SLC9C1: variants seen among roughly 807,000 people sequenced by gnomAD.
SLC9C1 encodes solute carrier family 9 member C1.
A neutral mutation model predicts 140.9 loss-of-function variants in SLC9C1; 97 were observed. That is an observed-to-expected ratio of 0.69 (90% confidence interval 0.58 to 0.82). The LOEUF is 0.82. Among genes scored for constraint, SLC9C1 ranks in the 40% least tolerant of loss-of-function variants. SLC9C1 has a pLI of 0.00. For synonymous variants in SLC9C1, 440 were observed against 442.6 expected (o/e 0.99, Z 0.07); for missense variants, 1,340 against 1,389.3 (o/e 0.96, Z 0.56).
chr3:112,166,169 AC>A (rs755819885), intron 26 of SLC9C1, among the ~76,000 whole-genome samples: 44 of 152,058 alleles, frequency 2.9e-4, no homozygotes, highest in Non-Finnish European at 6.0e-4. Flanking sequence ...GCCGTCTGTC[AC>A]CCCTTTCTTT....
rs543755939 is a variant in SLC9C1 at position 112,219,608 on chromosome 3, T to G, written c.1670+1520A>C. 1.1e-4 allele frequency among the ~76,000 whole-genome samples: 17 copies of G among 152,320 alleles called. No individual in the cohort carries two copies. In the South Asian group the frequency reaches 3.5e-3, roughly 32 times the overall value. On this transcript the variant is annotated intron_variant, in intron 14 of 28. Transcript: ENST00000305815. ...TTATTTTTATTTTTGAGACAGAGCC[T>G]TGCTCTGTCCCCCAGGCTGGAGTGC...
chr3:112,233,310 A>G (rs1576405126), intron 12 of SLC9C1, among the ~76,000 whole-genome samples: 1 of 151,908 alleles, frequency 6.6e-6, no homozygotes, highest in African/African-American at 2.4e-5. Context: ...CAAGCAATTC[A>G]CCTGCCTTGG....
intron 16 of SLC9C1, among the ~76,000 whole-genome samples, chr3:112,207,310 T>C (rs2078081444): frequency 6.6e-6 from 1 of 152,200 alleles, no homozygotes; most frequent in African/African-American, 2.4e-5. Context: ...CTTTTCAATA[T>C]GCTGCTTGTA....
At chr3:112,225,889 C>T (rs1350535839) in intron 13 of SLC9C1, among the ~76,000 whole-genome samples, 1 of 151,864 alleles carries the variant, frequency 6.6e-6, no homozygotes, top group African/African-American at 2.4e-5. Context: ...ATATAAATAC[C>T]AAAAACCAGA....
chr3:112,209,961 A>G (rs938502790), intron 15 of SLC9C1, among the ~76,000 whole-genome samples: 4 of 152,162 alleles, frequency 2.6e-5, no homozygotes, highest in Admixed American at 1.3e-4. Context: ...CTTTTTCTCT[A>G]TTTTGCAGAA....
At chr3:112,190,675 T>C (rs996810933) in intron 20 of SLC9C1, among the ~76,000 whole-genome samples, 1 of 152,136 alleles carries the variant, frequency 6.6e-6, no homozygotes, top group Admixed American at 6.5e-5. Context: ...ATGTCAAATA[T>C]CTTTTCAAAC....
At chr3:112,148,488 T>TC (rs1011265832) in intron 28 of SLC9C1, among the ~76,000 whole-genome samples, 7 of 152,152 alleles carry the variant, frequency 4.6e-5, no homozygotes, top group African/African-American at 1.7e-4. Flanking sequence ...CCTTCCCTTT[T>TC]CCCCCACTCC....
rs1197097742 is a variant in SLC9C1 at position 112,182,199 on chromosome 3, A to T, written c.2583T>A (p.Thr861=). ...GAATATGATATAGAACTTCTTCAAC[A>T]GTAAGAGGCCTGATAATAGATTGAG... ...LDSQSIIRPL[T]VEEVLYHIPW... is the part of the protein sequence containing the mutation. The change falls in exon 21 of 29, where the codon ACT becomes ACA. Residue 861 remains threonine, a synonymous_variant. Coordinates refer to ENST00000305815, the MANE Select transcript of SLC9C1 (RefSeq NM_183061.3). 6.2e-7 allele frequency: 1 copy of T among 1,608,036 alleles called. No homozygotes were observed. The highest frequency in any genetic ancestry group is 1.1e-5 in the South Asian group (1 of 89,400).
chr3:112,269,533 A>G (rs2080013767), intron 7 of SLC9C1, among the ~76,000 whole-genome samples: 1 of 152,210 alleles, frequency 6.6e-6, no homozygotes, highest in Admixed American at 6.5e-5. Flanking sequence ...TGTAAAGGAT[A>G]TGCATTCTGT....
chr3:112,150,832 ATATATATATT>A (rs2074948712), intron 28 of SLC9C1, among the ~76,000 whole-genome samples: 10 of 36,926 alleles, frequency 2.7e-4, no homozygotes, highest in African/African-American at 1.4e-3. Context: ...ATATATATAT[ATATATATATT>A]TTTTTTTTTT....
chr3:112,275,879 C>T (rs1027141282), intron 5 of SLC9C1, among the ~76,000 whole-genome samples: 41 of 149,568 alleles, frequency 2.7e-4, no homozygotes, highest in African/African-American at 1.0e-3. Flanking sequence ...CCAAAAAGAT[C>T]TAGTTTGTTT....
intron 26 of SLC9C1, among the ~76,000 whole-genome samples, chr3:112,166,783 A>G (rs2077147505): frequency 6.6e-6 from 1 of 152,116 alleles, no homozygotes; most frequent in South Asian, 2.1e-4. Context: ...TCTTAATAGT[A>G]GTGATTAAAT....
intron 2 of SLC9C1, among the ~76,000 whole-genome samples, chr3:112,286,231 A>G (rs114141964): frequency 0.011 from 1,606 of 152,286 alleles, 13 homozygotes; most frequent in Non-Finnish European, 0.016. Flanking sequence ...ATATCATAAC[A>G]TTTGCTTCCA....
At chr3:112,167,725 A>G (rs2077165604) in intron 25 of SLC9C1, among the ~76,000 whole-genome samples, 1 of 152,102 alleles carries the variant, frequency 6.6e-6, no homozygotes, top group Non-Finnish European at 1.5e-5. Context: ...ATATTTCAAA[A>G]TATTCTTCCA....
chr3:112,164,621 A>G (rs2075410039), intron 26 of SLC9C1, among the ~76,000 whole-genome samples: 1 of 151,094 alleles, frequency 6.6e-6, no homozygotes, highest in Non-Finnish European at 1.5e-5. Context: ...TCTTGCTTGT[A>G]GAGTTTCTCC....
At chr3:112,211,499 C>T (rs1002294652) in intron 15 of SLC9C1, among the ~76,000 whole-genome samples, 4 of 152,242 alleles carry the variant, frequency 2.6e-5, no homozygotes, top group African/African-American at 9.6e-5. Flanking sequence ...AATCGGGTCA[C>T]TCCCACCCTA....
chr3:112,261,956 T>C (rs1348452005), intron 10 of SLC9C1, among the ~76,000 whole-genome samples: 2 of 152,036 alleles, frequency 1.3e-5, no homozygotes, highest in African/African-American at 2.4e-5. Context: ...AATGGGCAAA[T>C]ACTACAAATT....
rs1316540148 is a variant in SLC9C1, at chr3:112,180,635, A to C, written c.2677T>G (p.Cys893Gly). 1 of 1,613,186 alleles carries C rather than the reference A, an allele frequency of 6.2e-7. No individual in the cohort carries two copies. The highest frequency in any genetic ancestry group is 1.7e-5 in the Admixed American group (1 of 59,850). Reference protein sequence around the residue: ...QEKAKVVTFDCGNDIFEEGDE... With the variant: ...QEKAKVVTFDGGNDIFEEGDE... Reference sequence around the variant, plus strand: ...CCTTCTTCAAATATATCATTTCCACAATCAAATGTTACAACTTTGGCTTTT... The same window carrying C: ...CCTTCTTCAAATATATCATTTCCACCATCAAATGTTACAACTTTGGCTTTT... Residue 893 changes from cysteine to glycine, a missense_variant, in exon 22 of 29, where the codon TGT becomes GGT. By Grantham distance (159) the Cys-to-Gly change is radical. Transcript: ENST00000305815.
chr3:112,203,844 T>C (rs1315906562), intron 17 of SLC9C1, among the ~76,000 whole-genome samples: 2 of 151,968 alleles, frequency 1.3e-5, no homozygotes, highest in Admixed American at 6.6e-5. Flanking sequence ...ATTTTCTTTG[T>C]CCCTATAAAT....
Sources: allele counts gnomAD v4.1 joint callset (sites outside exome capture counted in the v4.1 genomes callset), GRCh38; gene constraint gnomAD v4.1.1; transcripts MANE v1.5; gene names NCBI Gene and HGNC (gene_info 2026-07-23, HGNC 2026-07-21).